Variants in SLC35B1 observed in about 807,000 individuals in gnomAD.
SLC35B1 encodes solute carrier family 35 member B1, also known as ATP/ADP exchanger ER.
SLC35B1 carries 27 observed loss-of-function variants against 36.6 expected under a neutral mutation model. The ratio of observed to expected loss-of-function variants is 0.74; its 90% CI spans 0.54 to 1.02. The LOEUF (loss-of-function observed/expected upper bound fraction) is 1.02, where lower values mean the gene tolerates loss of function less well. SLC35B1 is among the 50% of genes least tolerant of loss of function. SLC35B1 has a pLI of 0.00. For missense variants in SLC35B1, 321 were observed against 383.2 expected, an observed-to-expected ratio of 0.84 and a Z score of 1.35; for synonymous variants, 162 against 152.5, an observed-to-expected ratio of 1.06 and a Z score of -0.46.
At chr17:49,704,512 G>A (rs1166679740) in intron 5 of SLC35B1, among the ~76,000 whole-genome samples, 1 of 151,936 alleles carries the variant, frequency 6.6e-6, no homozygotes, top group African/African-American at 2.4e-5. Context: ...TACTGGGAGG[G>A]GAAAGGTAGT....
At chr17:49,703,341 A>T in intron 6 of SLC35B1, 47 bp from the exon 7 acceptor site, 5 of 1,042,872 alleles carry the variant, frequency 4.8e-6, no homozygotes, top group South Asian at 1.3e-5. Context: ...GTGCACACAA[A>T]ATGTGCGCAC....
In SLC35B1 at chr17:49,705,127, G is replaced by C; in HGVS notation, c.525C>G (p.Leu175=). 1 of 1,614,142 alleles carries C rather than the reference G, an allele frequency of 6.2e-7. No individual in the cohort carries two copies. Among genetic ancestry groups the C allele is most frequent in the South Asian group, 1.1e-5 (1 of 91,074 alleles). The change falls in exon 5 of 9, where the codon CTC becomes CTG. Residue 175 remains leucine (L), a synonymous_variant. Transcript: ENST00000240333. The part of the protein sequence containing the change: ...EEHTVGYGEL[L]LLLSLTLDGL... ...CTTCCCCAACAGGATCTCATACCAA[G>C]AGTAGCTCTCCATAGCCGACTGTGT...
intron 5 of SLC35B1, 75 bp from the exon 6 acceptor site, chr17:49,704,301 A>C: frequency 1.5e-5 from 23 of 1,557,172 alleles, no homozygotes; most frequent in South Asian, 2.3e-5. Flanking sequence ...CAGGATTCTC[A>C]CTCTCAGGCT....
At chr17:49,706,931 G>A in intron 2 of SLC35B1, 34 bp downstream of exon 2, 16 of 1,481,368 alleles carry the variant, frequency 1.1e-5, no homozygotes, top group Non-Finnish European at 1.5e-5. Flanking sequence ...TTGGGGTGGT[G>A]GGGTACCCAA....
At chr17:49,705,429 G>T in intron 4 of SLC35B1, 148 bp from the exon 5 acceptor site, 1 of 764,334 alleles carries the variant, frequency 1.3e-6, no homozygotes, top group Non-Finnish European at 2.1e-6. Context: ...AGGGTGCCAG[G>T]CTGGCACCTA....
rs61136804 is a variant in SLC35B1, at chr17:49,706,346, C to CAAAAAA, written c.209-18_209-13dup. On this transcript the variant is annotated splice_polypyrimidine_tract_variant and intron_variant, in intron 2 of 8. Coordinates refer to ENST00000240333, the MANE Select transcript of SLC35B1 (RefSeq NM_005827.4). ...AAAAAACTGGATCACTGGGAGAAGA[C>CAAAAAA]AAAAAAAAAAAAAAAAAAAGAAAAG... The CAAAAAA allele has an allele frequency of 4.3e-4, 314 of 733,462 alleles. No homozygotes were observed. Among genetic ancestry groups the CAAAAAA allele is most frequent in the South Asian group, 1.2e-3 (27 of 21,774 alleles). 45.4% of individuals were successfully genotyped at this position (733,462 alleles called of 1,614,324 possible). A position where few individuals can be genotyped will look rare whatever the true frequency, so the allele number is the denominator to read the frequency against.
rs2073347957 is a variant in SLC35B1 at position 49,701,228 on chromosome 17, C to T, written c.*230G>A. Reference sequence around the variant, plus strand: ...GAACATCCAGCTCTGCCTCTTCCCTCCCTCTTTTATTTACCATAGACTGCT... The same window carrying T: ...GAACATCCAGCTCTGCCTCTTCCCTTCCTCTTTTATTTACCATAGACTGCT... On this transcript the variant is annotated 3_prime_UTR_variant, in exon 9 of 9. Coordinates refer to ENST00000240333, the MANE Select transcript of SLC35B1 (RefSeq NM_005827.4). 4 of 462,458 alleles carry T rather than the reference C, an allele frequency of 8.6e-6. No homozygotes were observed. The South Asian group carries it at 1.2e-4, about 14-fold the overall frequency. 28.6% of individuals were successfully genotyped at this position (462,458 alleles called of 1,614,324 possible). A position where few individuals can be genotyped will look rare whatever the true frequency, so the allele number is the denominator to read the frequency against.
Position 49,705,178 on chromosome 17 carries a change from G to A in SLC35B1, c.474C>T (p.Pro158=). 6.2e-7 allele frequency: 1 copy of A among 1,614,122 alleles called. No individual in the cohort carries two copies. The highest frequency in any genetic ancestry group is 1.1e-5 in the South Asian group (1 of 91,078). The change falls in exon 5 of 9, where the codon CCC becomes CCT. Residue 158 remains proline, a synonymous_variant. Transcript: ENST00000240333. ...GTTCTTCTATCCCAACAACTTTCTT[G>A]GGTTTGTACATGAAAAGGGCCACTC... ...VAGVALFMYK[P]KKVVGIEEHT...
chr17:49,702,669 A>G (rs1375849994), intron 8 of SLC35B1, 189 bp downstream of exon 8: 13 of 550,618 alleles, frequency 2.4e-5, no homozygotes, highest in Non-Finnish European at 3.8e-5. Context: ...GAGGAGGAGG[A>G]GGCTCACCCG....
chr17:49,705,460 GT>G, intron 4 of SLC35B1, 179 bp from the exon 5 acceptor site: 1 of 638,480 alleles, frequency 1.6e-6, no homozygotes, highest in Non-Finnish European at 2.7e-6. Context: ...GAGCAACAGG[GT>G]TAAGTATAAG....
chr17:49,701,395 A>C lies in SLC35B1; in HGVS notation c.*63T>G. 1.1e-3 allele frequency: 1,340 copies of C among 1,261,464 alleles called. No individual in the cohort carries two copies. Among genetic ancestry groups the C allele is most frequent in the Non-Finnish European group, 1.4e-3 (1,207 of 861,618 alleles). The allele number at this position is 1,261,464 out of a possible 1,614,324, so 78.1% of individuals were successfully genotyped here. On this transcript the variant is annotated 3_prime_UTR_variant, in exon 9 of 9. Coordinates refer to ENST00000240333, the MANE Select transcript of SLC35B1 (RefSeq NM_005827.4). ...TATTCCTATTAAGTCCATTTTCCCA[A>C]GAGATGTCACTGTTTGAGATAATAA...
chr17:49,701,567 G>A, intron 8 of SLC35B1, 57 bp from the exon 9 acceptor site: 1 of 1,471,720 alleles, frequency 6.8e-7, no homozygotes, highest in Non-Finnish European at 9.5e-7. Context: ...ACTTACCAAT[G>A]ATTGTGGTGG....
rs376484168 is a variant in SLC35B1, at chr17:49,706,925, G to T, written c.208+40C>A. ...TGCCCAGCATACTGAGGGAACTTGG[G>T]GTGGTGGGGTACCCAACAAATTACT... On this transcript the variant is annotated intron_variant, in intron 2 of 8. Transcript: ENST00000240333. 30 of 1,424,068 alleles carry T rather than the reference G, an allele frequency of 2.1e-5. No individual in the cohort carries two copies. In the African/African-American group the frequency reaches 2.7e-4, roughly 13 times the overall value. 88.2% of individuals were successfully genotyped at this position (1,424,068 alleles called of 1,614,324 possible). A position where few individuals can be genotyped will look rare whatever the true frequency, so the allele number is the denominator to read the frequency against.
chr17:49,705,537 T>G, intron 4 of SLC35B1: 1 of 583,662 alleles, frequency 1.7e-6, no homozygotes, highest in Non-Finnish European at 3.0e-6. Context: ...TAGGGAACAG[T>G]GGAGAAGGAA....
chr17:49,706,102 CTTTTTTT>C (rs558001093), intron 3 of SLC35B1, 95 bp downstream of exon 3: 20 of 837,360 alleles, frequency 2.4e-5, no homozygotes, highest in South Asian at 4.4e-5. Context: ...GGACCGTTAT[CTTTTTTT>C]TTTTTTTTTT....
At chr17:49,704,360 T>G in intron 5 of SLC35B1, 134 bp from the exon 6 acceptor site, 1 of 1,153,678 alleles carries the variant, frequency 8.7e-7, no homozygotes, top group Non-Finnish European at 1.2e-6. Context: ...ACGTTGCCAT[T>G]TGGTCACAGG....
rs1203430243 is a variant in SLC35B1, at chr17:49,706,232, G to A, written c.311C>T (p.Ala104Val). The part of the protein sequence containing the change: ...YLGAMVSSNS[A>V]LQFVNYPTQV... ...AGTTGGGTAGTTGACAAACTGTAGT[G>A]CTGAATTGCTGGAGACCATGGCACC... Residue 104 changes from alanine (A) to valine (V), a missense_variant, in exon 3 of 9, where the codon GCA becomes GTA. By Grantham distance (64) the Ala-to-Val change is moderately conservative. Coordinates refer to ENST00000240333, the MANE Select transcript of SLC35B1 (RefSeq NM_005827.4). 6.2e-7 allele frequency: 1 copy of A among 1,605,810 alleles called. No individual in the cohort carries two copies. Among genetic ancestry groups the A allele is most frequent in the African/African-American group, 1.4e-5 (1 of 73,554 alleles).
chr17:49,705,269 C>A lies in SLC35B1; in HGVS notation c.383G>T (p.Gly128Val). 6.2e-7 allele frequency: 1 copy of A among 1,614,058 alleles called. No individual in the cohort carries two copies. Among genetic ancestry groups the A allele is most frequent in the Non-Finnish European group, 8.5e-7 (1 of 1,179,994 alleles). Reference sequence around the variant, plus strand: ...GTACTTCTTCTTCAAGAGGGTCACCCCAAGGAGCATGACTACAGGGAAAAA... The same window carrying A: ...GTACTTCTTCTTCAAGAGGGTCACCACAAGGAGCATGACTACAGGGAAAAA... ...SCKPIPVMLL[G>V]VTLLKKKYPL... is the part of the protein sequence containing the mutation. The change falls in exon 5 of 9, where the codon GGG becomes GTG. Residue 128 changes from glycine (G) to valine (V), a missense_variant. Coordinates refer to ENST00000240333, the MANE Select transcript of SLC35B1 (RefSeq NM_005827.4).
intron 5 of SLC35B1, among the ~76,000 whole-genome samples, chr17:49,704,557 G>A (rs1453413970): frequency 6.6e-6 from 1 of 152,148 alleles, no homozygotes; most frequent in Non-Finnish European, 1.5e-5. Context: ...GGAGTATAGT[G>A]CTCCAGAGAC....
Sources: gnomAD v4.1 joint callset for allele counts (sites outside exome capture counted in the v4.1 genomes callset) on GRCh38, gnomAD v4.1.1 for gene constraint, MANE v1.5 for transcripts, NCBI Gene and HGNC (gene_info 2026-07-23, HGNC 2026-07-21) for gene names.